PLEKHB1: variants seen among roughly 807,000 people sequenced by gnomAD.
The protein encoded by PLEKHB1 is pleckstrin homology domain containing B1.
PLEKHB1 carries 29 observed loss-of-function variants against 36.2 expected under a neutral mutation model. The observed-to-expected ratio is 0.80, with a 90% confidence interval of 0.60 to 1.09. The LOEUF (loss-of-function observed/expected upper bound fraction) is 1.09, where lower values mean the gene tolerates loss of function less well. PLEKHB1 is among the 50% of genes least tolerant of loss of function. The pLI, the probability that PLEKHB1 is intolerant of heterozygous loss-of-function variation, is 0.00. For synonymous variants in PLEKHB1, 138 were observed against 140.0 expected (o/e 0.99, Z 0.10); for missense variants, 330 against 348.2 (o/e 0.95, Z 0.42).
At chr11:73,659,387 G>C (rs1166498816) in intron 6 of PLEKHB1, among the ~76,000 whole-genome samples, 1 of 152,114 alleles carries the variant, frequency 6.6e-6, no homozygotes, top group Non-Finnish European at 1.5e-5. Context: ...GGGTGGAATG[G>C]GGCTAAGAGG....
intron 5 of PLEKHB1, among the ~76,000 whole-genome samples, chr11:73,654,973 G>A (rs1203556581): frequency 2.0e-5 from 3 of 152,190 alleles, no homozygotes; most frequent in Non-Finnish European, 4.4e-5. Context: ...AAAGCTGGGA[G>A]TAAGGAGGCT....
chr11:73,655,392 G>C (rs1944972844), intron 5 of PLEKHB1, among the ~76,000 whole-genome samples: 1 of 152,124 alleles, frequency 6.6e-6, no homozygotes, highest in African/African-American at 2.4e-5. Flanking sequence ...CTCACTCCAG[G>C]TGGAGGCTCC....
At chr11:73,653,109 C>A in intron 5 of PLEKHB1, 95 bp downstream of exon 5, 1 of 1,311,188 alleles carries the variant, frequency 7.6e-7, no homozygotes, top group Non-Finnish European at 1.1e-6. Context: ...CAGAAGTTCT[C>A]AGTCTTATGT....
At chr11:73,651,034 T>A (rs951990042) in intron 3 of PLEKHB1, among the ~76,000 whole-genome samples, 4 of 150,736 alleles carry the variant, frequency 2.7e-5, no homozygotes, top group Admixed American at 2.0e-4. Context: ...CGGTCACATA[T>A]GGCTACTGGG....
intron 2 of PLEKHB1, 133 bp from the exon 3 acceptor site, chr11:73,650,420 C>T: frequency 1.0e-6 from 1 of 1,004,874 alleles, no homozygotes; most frequent in Non-Finnish European, 1.4e-6. Flanking sequence ...GCCCTCATTT[C>T]AGGGGGTAGA....
In PLEKHB1 at chr11:73,655,768, C is replaced by T. The variant is rs1330327696; in HGVS notation, c.391-35C>T. The T allele has an allele frequency of 7.5e-6, 12 of 1,592,852 alleles. No individual in the cohort carries two copies. The South Asian group carries it at 8.8e-5, about 12-fold the overall frequency. ...AGAGGGCCTCTGACACCCCCTCCCT[C>T]CCTCCTCCTTCTTGGGTTTCTGTGG... On this transcript the variant is annotated intron_variant, in intron 5 of 7. Transcript: ENST00000354190.
intron 4 of PLEKHB1, chr11:73,652,165 G>A (rs591804): frequency 0.65 from 303,653 of 465,786 alleles, 99,746 homozygotes; most frequent in East Asian, 0.68. Context: ...GGTCTTTAGC[G>A]GCCTCTGAGG....
chr11:73,661,562 C>T lies in PLEKHB1; in HGVS notation c.692C>T (p.Ala231Val). 1.2e-6 allele frequency: 2 copies of T among 1,607,270 alleles called. No individual in the cohort carries two copies. Among genetic ancestry groups the T allele is most frequent in the Middle Eastern group, 1.7e-4 (1 of 5,980 alleles). ...MGMLAGAATGAALGSLMWSPC... is the reference protein window; with the variant it reads ...MGMLAGAATGVALGSLMWSPC... ...ATGCTTGCGGGAGCCGCCACTGGGG[C>T]GGCGCTGGGCTCGCTCATGTGGTCG... The change falls in exon 8 of 8, where the codon GCG becomes GTG. Residue 231 changes from alanine to valine, a missense_variant. Transcript: ENST00000354190. The surrounding 1 kb of genome is among the most constrained non-coding windows in gnomAD (Gnocchi z 4.6).
rs576869144 is a variant in PLEKHB1, at chr11:73,650,165, T to C, written c.95-388T>C. Among the ~76,000 whole-genome samples, 5 of 152,330 alleles carry C rather than the reference T, an allele frequency of 3.3e-5. No homozygotes were observed. In the South Asian group the frequency reaches 8.3e-4, roughly 25 times the overall value. ...AGGAGGTTAAGGCTGCAGTGAGCCATGCCTGTGCCCCTGCACTCCAGCCTG... is the reference window on the plus strand; with the variant it reads ...AGGAGGTTAAGGCTGCAGTGAGCCACGCCTGTGCCCCTGCACTCCAGCCTG... On this transcript the variant is annotated intron_variant, in intron 2 of 7. Coordinates refer to ENST00000354190, the MANE Select transcript of PLEKHB1 (RefSeq NM_021200.3).
chr11:73,658,609 C>A (rs1590801954), intron 6 of PLEKHB1, among the ~76,000 whole-genome samples: 1 of 147,268 alleles, frequency 6.8e-6, no homozygotes, highest in African/African-American at 2.5e-5. Context: ...TTCCTTCTTT[C>A]TTTTTCTTTC....
chr11:73,647,502 G>A (rs1046841860), intron 1 of PLEKHB1: 8 of 957,710 alleles, frequency 8.4e-6, no homozygotes. Context: ...CTCTACAGGG[G>A]TAGACTACAA....
intron 6 of PLEKHB1, 66 bp from the exon 7 acceptor site, chr11:73,660,687 G>A (rs982781469): frequency 3.4e-6 from 5 of 1,467,722 alleles, no homozygotes; most frequent in African/African-American, 1.4e-5. Flanking sequence ...TGTGCCAGGC[G>A]TGGGGGTAGG....
rs753754134 is a variant in PLEKHB1, at chr11:73,650,520, C to G, written c.95-33C>G. On this transcript the variant is annotated intron_variant, in intron 2 of 7. Coordinates refer to ENST00000354190, the MANE Select transcript of PLEKHB1 (RefSeq NM_021200.3). ...TTCTATTCCCAGCAGGCTCTGGGAT[C>G]AGCCTGCCTAGTGCATCTGGAATAT... 19 of 1,573,878 alleles carry G rather than the reference C, an allele frequency of 1.2e-5. No homozygotes were observed. The African/African-American group carries it at 2.2e-4, about 18-fold the overall frequency.
Position 73,651,866 on chromosome 11 carries a change from G to A in PLEKHB1, c.326G>A (p.Cys109Tyr), listed in dbSNP as rs1377768491. 1.2e-6 allele frequency: 2 copies of A among 1,613,468 alleles called. No homozygotes were observed. Among genetic ancestry groups the A allele is most frequent in the Non-Finnish European group, 1.7e-6 (2 of 1,179,888 alleles). The change falls in exon 4 of 8, where the codon TGT (cysteine) becomes TAT (tyrosine). Residue 109 changes from cysteine to tyrosine, a missense_variant. Transcript: ENST00000354190. Reference protein sequence around the residue: ...NLREGGRLHLCAETKDDALAW... With the variant: ...NLREGGRLHLYAETKDDALAW... ...CGGGAAGGCGGCCGCCTGCACCTCT[G>A]TGCGGAGACCAAGGATGATGCCCTG...
rs1434666490 is a variant in PLEKHB1, at chr11:73,661,630, G to C, written c.*28G>C. On this transcript the variant is annotated 3_prime_UTR_variant, in exon 8 of 8. Coordinates refer to ENST00000354190, the MANE Select transcript of PLEKHB1 (RefSeq NM_021200.3). This position sits in a 1 kb window ranked among gnomAD's most constrained non-coding sequence, Gnocchi z 4.6. ...CCTGGGACTCGGAGCACTGACCCCT[G>C]CGCTTGGATTGCTAGACTCCTCTTC... 1 of 1,542,968 alleles carries C rather than the reference G, an allele frequency of 6.5e-7. No homozygotes were observed. Among genetic ancestry groups the C allele is most frequent in the Middle Eastern group, 1.9e-4 (1 of 5,256 alleles).
chr11:73,649,909 G>A (rs1007021859), intron 2 of PLEKHB1, among the ~76,000 whole-genome samples: 9 of 152,248 alleles, frequency 5.9e-5, no homozygotes, highest in Non-Finnish European at 1.3e-4. Flanking sequence ...AGTCAGAGAT[G>A]AGAGATAAGA....
chr11:73,661,518 C>A lies in PLEKHB1; in HGVS notation c.648C>A (p.Gly216=). 6.2e-7 allele frequency: 1 copy of A among 1,613,468 alleles called. No homozygotes were observed. The highest frequency in any genetic ancestry group is 1.3e-5 in the African/African-American group (1 of 75,044). The change falls in exon 8 of 8, where the codon GGC becomes GGA. Residue 216 remains glycine, a synonymous_variant. Transcript: ENST00000354190. The surrounding 1 kb of genome is among the most constrained non-coding windows in gnomAD (Gnocchi z 4.6). ...IVREDPCYSA[G]APLAMGMLAG... is the part of the protein sequence containing the mutation. Reference sequence around the variant, plus strand: ...GGGAGGATCCCTGCTACAGCGCCGGCGCCCCTCTGGCCATGGGCATGCTTG... The same window carrying A: ...GGGAGGATCCCTGCTACAGCGCCGGAGCCCCTCTGGCCATGGGCATGCTTG...
At chr11:73,648,641 T>TA in intron 1 of PLEKHB1, 2 of 1,016,266 alleles carry the variant, frequency 2.0e-6, no homozygotes, top group Non-Finnish European at 2.4e-6. Context: ...AGGCATATTC[T>TA]AATGTTTCAA....
intron 1 of PLEKHB1, chr11:73,647,828 C>A: frequency 7.2e-6 from 7 of 974,332 alleles, no homozygotes; most frequent in Non-Finnish European, 8.5e-6. Flanking sequence ...GGGGAGGGAG[C>A]GGCAAGAGGA....
Sources: allele counts gnomAD v4.1 joint callset (sites outside exome capture counted in the v4.1 genomes callset), GRCh38; gene constraint gnomAD v4.1.1; non-coding constraint Gnocchi (gnomAD v3.1); transcripts MANE v1.5; gene names NCBI Gene and HGNC (gene_info 2026-07-23, HGNC 2026-07-21).